Variants in PDE10A observed in about 807,000 individuals in gnomAD.
PDE10A encodes phosphodiesterase 10A.
Under a neutral mutation model 97.7 loss-of-function variants are expected in PDE10A, and 39 were observed. That is an observed-to-expected ratio of 0.40 (90% CI 0.31 to 0.52). PDE10A has a LOEUF of 0.52. Ranked by LOEUF, PDE10A falls within the 20% of genes least tolerant of loss-of-function variation. The pLI, the probability that PDE10A is intolerant of heterozygous loss-of-function variation, is 0.56. For synonymous variants in PDE10A, 371 were observed against 376.8 expected (o/e 0.98, Z 0.18); for missense variants, 731 against 1,047.8 (o/e 0.70, Z 4.17).
At chr6:165,463,991 A>G (rs1181694229) in intron 3 of PDE10A, among the ~76,000 whole-genome samples, 1 of 152,210 alleles carries the variant, frequency 6.6e-6, no homozygotes, top group East Asian at 1.9e-4. Context: ...TTTAATATCT[A>G]TAGAAACAAT....
chr6:165,943,328 A>AAAGAAAG lies in PDE10A; in HGVS notation c.-615+44200_-615+44201insCTTTCTT, dbSNP rs1491218460. Among the ~76,000 whole-genome samples, 387 of 79,318 alleles carry AAAGAAAG rather than the reference A, an allele frequency of 4.9e-3. 19 individuals are homozygous for AAAGAAAG. The highest frequency in any genetic ancestry group is 6.1e-3 in the Non-Finnish European group (247 of 40,552). The allele number at this position is 79,318 out of a possible 152,430, so 52.0% of individuals were successfully genotyped here. A position where few individuals can be genotyped will look rare whatever the true frequency, so the allele number is the denominator to read the frequency against. ...GAAAGAAGGAAGGAAGGAAAGAAAG[A>AAAGAAAG]AAAAGAAAGAAAGAAAAGAGAAAGA... On this transcript the variant is annotated intron_variant, in intron 1 of 19. Coordinates refer to the PDE10A transcript ENST00000366882.
intron 1 of PDE10A, among the ~76,000 whole-genome samples, chr6:165,825,458 T>TA (rs1779712941): frequency 6.6e-6 from 1 of 152,138 alleles, no homozygotes; most frequent in African/African-American, 2.4e-5. Flanking sequence ...ATCCCTGAAA[T>TA]ACGGCCCAGC....
chr6:165,452,153 C>A (rs544115134), intron 3 of PDE10A, among the ~76,000 whole-genome samples: 1 of 152,132 alleles, frequency 6.6e-6, no homozygotes, highest in Admixed American at 6.5e-5. Flanking sequence ...CTGGTGCAGG[C>A]CAGGAATTAA....
intron 1 of PDE10A, among the ~76,000 whole-genome samples, chr6:165,977,867 C>G (rs7752424): frequency 0.026 from 3,972 of 152,262 alleles, 190 homozygotes; most frequent in African/African-American, 0.091. Flanking sequence ...GTAGAAAAAA[C>G]AAGTAAATTG....
At chr6:165,636,505 A>G (rs1788883613) in intron 1 of PDE10A, among the ~76,000 whole-genome samples, 1 of 152,182 alleles carries the variant, frequency 6.6e-6, no homozygotes, top group East Asian at 1.9e-4. Context: ...AAACCTTCAC[A>G]AGGAAAAATG....
chr6:165,593,987 A>G (rs112298606), intron 1 of PDE10A, among the ~76,000 whole-genome samples: 6 of 152,262 alleles, frequency 3.9e-5, no homozygotes, highest in African/African-American at 1.2e-4. Flanking sequence ...ATTACTTTCT[A>G]TGCCAATTAC....
At chr6:165,616,814 T>C (rs978179351) in intron 1 of PDE10A, among the ~76,000 whole-genome samples, 19 of 152,296 alleles carry the variant, frequency 1.2e-4, no homozygotes, top group Middle Eastern at 3.4e-3. Context: ...AAGGCACACA[T>C]GACACTGTGC....
intron 1 of PDE10A, among the ~76,000 whole-genome samples, chr6:165,544,979 A>G (rs763909361): frequency 1.3e-5 from 2 of 152,088 alleles, no homozygotes; most frequent in Non-Finnish European, 2.9e-5. Context: ...GGCTCAATAA[A>G]GTAAGTAAGT....
At chr6:165,796,091 CT>C (rs1168771487) in intron 1 of PDE10A, among the ~76,000 whole-genome samples, 1,960 of 108,674 alleles carry the variant, frequency 0.018, 10 homozygotes, top group East Asian at 0.038. Context: ...TTTTTCTTTT[CT>C]TTTTTTTTTT....
At chr6:165,423,150 GA>G (rs1314340452) in intron 10 of PDE10A, among the ~76,000 whole-genome samples, 1 of 152,136 alleles carries the variant, frequency 6.6e-6, no homozygotes, top group Non-Finnish European at 1.5e-5. Context: ...AACAGAGAAA[GA>G]CATATTCATG....
intron 1 of PDE10A, among the ~76,000 whole-genome samples, chr6:165,853,180 G>T (rs1050472648): frequency 5.9e-5 from 9 of 152,166 alleles, no homozygotes; most frequent in South Asian, 2.1e-4. Context: ...TGAGGACGAG[G>T]CCTCTGCTAT....
chr6:165,359,620 T>C (rs190108431), intron 18 of PDE10A, among the ~76,000 whole-genome samples: 2 of 152,312 alleles, frequency 1.3e-5, no homozygotes, highest in Admixed American at 1.3e-4. Flanking sequence ...TTAGAGTCAC[T>C]GATTTCCAGT....
chr6:165,511,942 T>G (rs1319535136), intron 2 of PDE10A, among the ~76,000 whole-genome samples: 1 of 152,028 alleles, frequency 6.6e-6, no homozygotes, highest in Admixed American at 6.6e-5. Flanking sequence ...AGGCAGCATA[T>G]AGTTGGATCA....
In PDE10A at chr6:165,388,852, T is replaced by C. The variant is rs965201119; in HGVS notation, c.2455-399A>G. Among the ~76,000 whole-genome samples the C allele has an allele frequency of 8.5e-5, 13 of 152,342 alleles. No homozygotes were observed. The highest frequency in any genetic ancestry group is 1.3e-4 in the Non-Finnish European group (9 of 68,024). ...ATTCAATGTTAAATTCTAACAATGC[T>C]ATTGCTATTATAAACAATAAATATA... On this transcript the variant is annotated intron_variant, in intron 16 of 21. Coordinates refer to ENST00000539869, the MANE Select transcript of PDE10A (RefSeq NM_001385079.1). This position sits in a 1 kb window ranked among gnomAD's most constrained non-coding sequence, Gnocchi z 4.0.
At chr6:165,915,259 G>A (rs1470583490) in intron 1 of PDE10A, among the ~76,000 whole-genome samples, 1 of 152,138 alleles carries the variant, frequency 6.6e-6, no homozygotes, top group Non-Finnish European at 1.5e-5. Context: ...GATTCTGGGG[G>A]ACAAGGCAAC....
chr6:165,934,927 A>G (rs144365758), intron 1 of PDE10A, among the ~76,000 whole-genome samples: 269 of 152,364 alleles, frequency 1.8e-3, no homozygotes, highest in Non-Finnish European at 2.9e-3. Flanking sequence ...CATTTCCATT[A>G]TTAATGCGAA....
chr6:165,508,139 CACAT>C (rs1272827123), intron 2 of PDE10A, among the ~76,000 whole-genome samples: 2 of 152,136 alleles, frequency 1.3e-5, no homozygotes, highest in Non-Finnish European at 2.9e-5. Flanking sequence ...TTGCAAAGTT[CACAT>C]ACACATGTGA....
chr6:165,437,813 T>C (rs1790130554), intron 5 of PDE10A, among the ~76,000 whole-genome samples: 1 of 152,242 alleles, frequency 6.6e-6, no homozygotes, highest in Non-Finnish European at 1.5e-5. Context: ...TCCTTTATAT[T>C]AGTGGTTCCC....
intron 1 of PDE10A, among the ~76,000 whole-genome samples, chr6:165,969,703 C>T (rs542167691): frequency 2.4e-4 from 36 of 152,120 alleles, no homozygotes; most frequent in South Asian, 8.3e-4. Flanking sequence ...AGAGAGAGAT[C>T]GAGATAGAAA....
Sources: gnomAD v4.1 joint callset for allele counts (sites outside exome capture counted in the v4.1 genomes callset) on GRCh38, gnomAD v4.1.1 for gene constraint, Gnocchi (gnomAD v3.1) non-coding constraint, MANE v1.5 for transcripts, NCBI Gene and HGNC (gene_info 2026-07-23, HGNC 2026-07-21) for gene names.